Variants in AKAIN1 observed in about 807,000 individuals in gnomAD.
AKAIN1 encodes the protein A-kinase anchor inhibitor 1, also known as A-kinase anchor protein inhibitor 1.
AKAIN1 carries 3 observed loss-of-function variants against 3.7 expected under a neutral mutation model. The observed-to-expected ratio is 0.82, with a 90% CI of 0.37 to 2.12. AKAIN1 has a LOEUF of 2.12. Ranked by LOEUF, AKAIN1 falls within the 30% of genes most tolerant of loss-of-function variation. The pLI is 0.06. For missense variants in AKAIN1, 82 were observed against 82.7 expected (o/e 0.99, Z 0.03); for synonymous variants, 31 against 30.8 (o/e 1.01, Z -0.02).
intron 1 of AKAIN1, among the ~76,000 whole-genome samples, chr18:5,175,911 T>G (rs1186856598): frequency 6.6e-6 from 1 of 152,082 alleles, no homozygotes; most frequent in Non-Finnish European, 1.5e-5. Flanking sequence ...ACTTTAGATT[T>G]TAGTGCATTT....
At chr18:5,179,481 T>A (rs1176118971) in intron 1 of AKAIN1, among the ~76,000 whole-genome samples, 1 of 152,092 alleles carries the variant, frequency 6.6e-6, no homozygotes, top group African/African-American at 2.4e-5. Context: ...TGATGGATAC[T>A]TAGGTTGATT....
intron 1 of AKAIN1, among the ~76,000 whole-genome samples, chr18:5,196,140 G>T (rs778378410): frequency 5.3e-5 from 8 of 151,798 alleles, no homozygotes; most frequent in Non-Finnish European, 1.5e-5. Context: ...AGAGTTCTAG[G>T]CCCCTCCAGC....
At chr18:5,153,134 G>A (rs935426314) in intron 1 of AKAIN1, among the ~76,000 whole-genome samples, 3 of 152,130 alleles carry the variant, frequency 2.0e-5, no homozygotes, top group Admixed American at 6.5e-5. Flanking sequence ...ACAGGGTCAT[G>A]GAAAGCTTTT....
chr18:5,192,589 T>G (rs895882939), intron 1 of AKAIN1, among the ~76,000 whole-genome samples: 2 of 152,092 alleles, frequency 1.3e-5, no homozygotes, highest in Non-Finnish European at 1.5e-5. Flanking sequence ...ACATCGAATC[T>G]GCCAACATCT....
Position 5,159,583 on chromosome 18 carries a change from CTAGTT to C in AKAIN1, c.17-13833_17-13829del, listed in dbSNP as rs550660227. Among the ~76,000 whole-genome samples the C allele has an allele frequency of 6.6e-4, 100 of 152,284 alleles. 1 individual carries two copies. In the East Asian group the frequency reaches 0.015, roughly 23 times the overall value. ...TAATTATAGAAGACATAAGAACTGACTAGTTTAAGATACAAGAACTTACAATGACA... is the reference window on the plus strand; with the variant it reads ...TAATTATAGAAGACATAAGAACTGACTAAGATACAAGAACTTACAATGACA... On this transcript the variant is annotated intron_variant, in intron 1 of 1. Coordinates refer to ENST00000434239, the MANE Select transcript of AKAIN1 (RefSeq NM_001145194.2).
At chr18:5,170,565 T>C (rs2071191761) in intron 1 of AKAIN1, 1 of 152,152 alleles carries the variant, frequency 6.6e-6, no homozygotes, top group African/African-American at 2.4e-5. Flanking sequence ...AGCACACTTA[T>C]ATTTTATGTG....
intron 1 of AKAIN1, among the ~76,000 whole-genome samples, chr18:5,191,949 C>T (rs1023141331): frequency 6.6e-6 from 1 of 152,110 alleles, no homozygotes; most frequent in Non-Finnish European, 1.5e-5. Flanking sequence ...TCATATACAT[C>T]TTATACGCAC....
At chr18:5,159,271 A>G (rs893211266) in intron 1 of AKAIN1, 2 of 152,138 alleles carry the variant, frequency 1.3e-5, no homozygotes, top group African/African-American at 4.8e-5. Context: ...GTGACAGGAA[A>G]TTAATGTCAC....
Position 5,170,711 on chromosome 18 carries a change from T to A in AKAIN1, c.17-24956A>T, listed in dbSNP as rs144831147. On this transcript the variant is annotated intron_variant, in intron 1 of 1. Coordinates refer to ENST00000434239, the MANE Select transcript of AKAIN1 (RefSeq NM_001145194.2). Reference sequence around the variant, plus strand: ...ATCAAGAAACAGAGTGTCTTTAACCTCCCCTTGAACTGTGTGGGCACTTGT... The same window carrying A: ...ATCAAGAAACAGAGTGTCTTTAACCACCCCTTGAACTGTGTGGGCACTTGT... 2.1e-3 allele frequency: 318 copies of A among 152,206 alleles called. 1 individual carries two copies. The highest frequency in any genetic ancestry group is 7.1e-3 in the African/African-American group (295 of 41,552). The allele number at this position is 152,206 out of a possible 1,614,324, so 9.4% of individuals were successfully genotyped here. A position where few individuals can be genotyped will look rare whatever the true frequency, so the allele number is the denominator to read the frequency against.
At chr18:5,192,456 C>CTTTTTT (rs55915033) in intron 1 of AKAIN1, among the ~76,000 whole-genome samples, 7 of 134,426 alleles carry the variant, frequency 5.2e-5, no homozygotes, top group Non-Finnish European at 1.1e-4. Flanking sequence ...TTTTTCTTTT[C>CTTTTTT]TTTGGTAGAG....
chr18:5,193,329 C>T (rs1373477071), intron 1 of AKAIN1, among the ~76,000 whole-genome samples: 1 of 152,136 alleles, frequency 6.6e-6, no homozygotes, highest in East Asian at 1.9e-4. Flanking sequence ...GGCAATTCAC[C>T]TGACTTGAAG....
chr18:5,186,509 A>T (rs72870842), intron 1 of AKAIN1, among the ~76,000 whole-genome samples: 2 of 152,108 alleles, frequency 1.3e-5, no homozygotes, highest in Non-Finnish European at 2.9e-5. Context: ...TCAAGTGTAC[A>T]TGCATCTAAT....
intron 1 of AKAIN1, among the ~76,000 whole-genome samples, chr18:5,150,997 T>G (rs1000364222): frequency 1.3e-5 from 2 of 152,100 alleles, no homozygotes; most frequent in African/African-American, 4.8e-5. Flanking sequence ...GATTTTTTTC[T>G]AGATTGCACA....
rs292286 is a variant in AKAIN1, at chr18:5,196,993, T to A, written c.16+45A>T. 7 of 1,502,638 alleles carry A rather than the reference T, an allele frequency of 4.7e-6. 1 individual carries two copies. The highest frequency in any genetic ancestry group is 6.3e-6 in the Non-Finnish European group (7 of 1,102,780). 93.1% of individuals were successfully genotyped at this position (1,502,638 alleles called of 1,614,324 possible). A position where few individuals can be genotyped will look rare whatever the true frequency, so the allele number is the denominator to read the frequency against. ...TCCCTCTCCTCTCCGTCCTCTACCC[T>A]GCTCCCCTCCTAGACACTTGGTGAA... On this transcript the variant is annotated intron_variant, in intron 1 of 1. Transcript: ENST00000434239.
Position 5,160,280 on chromosome 18 carries a change from A to C in AKAIN1, c.17-14525T>G, listed in dbSNP as rs181949242. 6.1e-4 allele frequency among the ~76,000 whole-genome samples: 93 copies of C among 152,250 alleles called. 4 individuals are homozygous for C. In the East Asian group the frequency reaches 0.011, roughly 18 times the overall value. ...ATGTGTCATCATTTTAAAAGTTTCA[A>C]CCTGGTAAGCATGCAATTATATTTC... On this transcript the variant is annotated intron_variant, in intron 1 of 1. Transcript: ENST00000434239.
intron 1 of AKAIN1, among the ~76,000 whole-genome samples, chr18:5,165,240 C>T (rs2071161251): frequency 6.6e-6 from 1 of 151,856 alleles, no homozygotes; most frequent in African/African-American, 2.4e-5. Context: ...GAGATATCAC[C>T]CAAGACTTTA....
chr18:5,187,079 T>C (rs1818523444), intron 1 of AKAIN1, among the ~76,000 whole-genome samples: 3 of 152,250 alleles, frequency 2.0e-5, no homozygotes, highest in Middle Eastern at 6.8e-3. Context: ...TTGCTTATTT[T>C]AGAAAACAGA....
intron 1 of AKAIN1, among the ~76,000 whole-genome samples, chr18:5,168,636 A>G (rs1340895755): frequency 2.6e-5 from 4 of 152,020 alleles, no homozygotes; most frequent in African/African-American, 9.7e-5. Flanking sequence ...ACCCTTCTTT[A>G]TGGATCCTGC....
In AKAIN1 at chr18:5,197,213, T is replaced by C; in HGVS notation, c.-160A>G. The C allele has an allele frequency of 7.2e-7, 1 of 1,398,194 alleles. No homozygotes were observed. 86.6% of individuals were successfully genotyped at this position (1,398,194 alleles called of 1,614,324 possible). On this transcript the variant is annotated 5_prime_UTR_variant, in exon 1 of 2. Coordinates refer to ENST00000434239, the MANE Select transcript of AKAIN1 (RefSeq NM_001145194.2). This position sits in a 1 kb window ranked among gnomAD's most constrained non-coding sequence, Gnocchi z 6.9. ...CCGGACAGCTCCCGCCGCTAGATCCTGGGGCCGCAGCTCCAGCCGCCGCCG... is the reference window on the plus strand; with the variant it reads ...CCGGACAGCTCCCGCCGCTAGATCCCGGGGCCGCAGCTCCAGCCGCCGCCG...
Sources: gnomAD v4.1 joint callset for allele counts (sites outside exome capture counted in the v4.1 genomes callset) on GRCh38, gnomAD v4.1.1 for gene constraint, Gnocchi (gnomAD v3.1) non-coding constraint, MANE v1.5 for transcripts, NCBI Gene and HGNC (gene_info 2026-07-23, HGNC 2026-07-21) for gene names.